Variants in LRRC8D observed in about 807,000 individuals in gnomAD.
LRRC8D encodes the protein volume-regulated anion channel subunit LRRC8D.
Under a neutral mutation model 55.8 loss-of-function variants are expected in LRRC8D, and 20 were observed. The ratio of observed to expected loss-of-function variants is 0.36; its 90% CI spans 0.25 to 0.52. The LOEUF (loss-of-function observed/expected upper bound fraction) is 0.52. Ranked by LOEUF, LRRC8D falls within the 20% of genes least tolerant of loss-of-function variation. The pLI, the probability that LRRC8D is intolerant of heterozygous loss-of-function variation, is 0.93. For synonymous variants in LRRC8D, 352 were observed against 377.0 expected (o/e 0.93, Z 0.77); for missense variants, 651 against 1,030.8 (o/e 0.63, Z 5.05).
At chr1:89,888,643 C>T (rs1351837651) in intron 2 of LRRC8D, among the ~76,000 whole-genome samples, 2 of 152,086 alleles carry the variant, frequency 1.3e-5, no homozygotes, top group African/African-American at 2.4e-5. Flanking sequence ...GTCTCCTGGC[C>T]GAATGACAGA....
intron 1 of LRRC8D, among the ~76,000 whole-genome samples, chr1:89,822,600 T>G (rs1660667101): frequency 6.6e-6 from 1 of 152,156 alleles, no homozygotes; most frequent in South Asian, 2.1e-4. Context: ...TGGAAGAGTC[T>G]GGACAGGCAG....
chr1:89,884,756 A>G (rs1479100562), intron 2 of LRRC8D, among the ~76,000 whole-genome samples: 1 of 152,228 alleles, frequency 6.6e-6, no homozygotes, highest in Non-Finnish European at 1.5e-5. Flanking sequence ...TAAAACTCAG[A>G]TACGCTTGGA....
rs1415616113 is a variant in LRRC8D at position 89,927,050 on chromosome 1, T to C, written c.-2-6017T>C. Among the ~76,000 whole-genome samples, 5 of 152,246 alleles carry C rather than the reference T, an allele frequency of 3.3e-5. No individual in the cohort carries two copies. In the East Asian group the frequency reaches 9.6e-4, roughly 29 times the overall value. The stretch of plus-strand genomic sequence containing the variant: ...CCACCCAGAGCTTTCAGATATTGTA[T>C]GTTCCTACCTCTGCACCTTCTTTTC... On this transcript the variant is annotated intron_variant, in intron 2 of 2. Coordinates refer to ENST00000337338, the MANE Select transcript of LRRC8D (RefSeq NM_001134479.2).
chr1:89,879,626 G>A (rs1315691413), intron 2 of LRRC8D, among the ~76,000 whole-genome samples: 1 of 152,154 alleles, frequency 6.6e-6, no homozygotes. Flanking sequence ...TAAATCATAG[G>A]TGAATGAGAC....
chr1:89,900,821 T>C (rs1662830539), intron 2 of LRRC8D, among the ~76,000 whole-genome samples: 1 of 152,222 alleles, frequency 6.6e-6, no homozygotes, highest in African/African-American at 2.4e-5. Flanking sequence ...TTGGTTTATG[T>C]GTCTTATCCT....
In LRRC8D at chr1:89,933,402, A is replaced by G. The variant is rs149773721; in HGVS notation, c.334A>G (p.Arg112Gly). The change falls in exon 3 of 3, where the codon AGA becomes GGA. Residue 112 changes from arginine to glycine, a missense_variant. Arg to Gly is a moderately radical substitution (Grantham distance 125). Coordinates refer to ENST00000337338, the MANE Select transcript of LRRC8D (RefSeq NM_001134479.2). This position sits in a 1 kb window ranked among gnomAD's most constrained non-coding sequence, Gnocchi z 7.0. ...TGCTGTGACACCTGACATACCTCTC[A>G]GAGCCACATATCCTCGCACAGATTT... ...TSAVTPDIPLRATYPRTDFAL... is the reference protein window; with the variant it reads ...TSAVTPDIPLGATYPRTDFAL... 5.9e-5 allele frequency: 96 copies of G among 1,614,024 alleles called. No individual in the cohort carries two copies. Among genetic ancestry groups the G allele is most frequent in the Middle Eastern group, 1.6e-4 (1 of 6,082 alleles).
At chr1:89,860,556 G>A (rs1285807697) in intron 2 of LRRC8D, among the ~76,000 whole-genome samples, 2 of 151,082 alleles carry the variant, frequency 1.3e-5, no homozygotes, top group African/African-American at 2.4e-5. Flanking sequence ...TCAAGAGATC[G>A]AGACCATCCT....
At chr1:89,878,757 G>A (rs1662207602) in intron 2 of LRRC8D, among the ~76,000 whole-genome samples, 1 of 152,120 alleles carries the variant, frequency 6.6e-6, no homozygotes, top group East Asian at 1.9e-4. Flanking sequence ...CCTGAGGTTA[G>A]GAGTTCGAGA....
At chr1:89,897,410 G>T (rs1198864556) in intron 2 of LRRC8D, among the ~76,000 whole-genome samples, 1 of 152,204 alleles carries the variant, frequency 6.6e-6, no homozygotes, top group Admixed American at 6.5e-5. Context: ...TTTGTCACAA[G>T]AAAGGCGAGA....
chr1:89,861,514 G>A (rs1036827696), intron 2 of LRRC8D, among the ~76,000 whole-genome samples: 1 of 151,772 alleles, frequency 6.6e-6, no homozygotes, highest in African/African-American at 2.4e-5. Context: ...ATTAATACCT[G>A]TGCCTTAGGG....
intron 2 of LRRC8D, among the ~76,000 whole-genome samples, chr1:89,910,809 G>A (rs1244795278): frequency 6.6e-6 from 1 of 152,154 alleles, no homozygotes; most frequent in Admixed American, 6.5e-5. Context: ...GGTTATTCAG[G>A]AGGGGTAATT....
chr1:89,845,710 G>A (rs183090526), intron 2 of LRRC8D, among the ~76,000 whole-genome samples: 168 of 152,094 alleles, frequency 1.1e-3, no homozygotes, highest in African/African-American at 3.8e-3. Flanking sequence ...ATACTGGGAG[G>A]CCACCACACT....
chr1:89,844,955 T>C (rs1201014691), intron 2 of LRRC8D, among the ~76,000 whole-genome samples: 1 of 152,148 alleles, frequency 6.6e-6, no homozygotes, highest in Non-Finnish European at 1.5e-5. Flanking sequence ...GAGGAAGGGA[T>C]GTGAGCATAT....
At chr1:89,917,674 C>T (rs1056016821) in intron 2 of LRRC8D, among the ~76,000 whole-genome samples, 2 of 152,172 alleles carry the variant, frequency 1.3e-5, no homozygotes, top group African/African-American at 4.8e-5. Flanking sequence ...AGGAAACACC[C>T]CATTATGCAC....
At chr1:89,892,007 G>T (rs1253589590) in intron 2 of LRRC8D, among the ~76,000 whole-genome samples, 1 of 152,156 alleles carries the variant, frequency 6.6e-6, no homozygotes, top group Non-Finnish European at 1.5e-5. Flanking sequence ...CATCATAAGT[G>T]CTCAGAAACT....
chr1:89,843,731 A>G lies in LRRC8D; in HGVS notation c.-54A>G. ...GGTTCCAGCCTCCGGAGCTCGCCCAAGCCGCGTCCCCAGAGAGCGCCCTGA... is the reference window on the plus strand; with the variant it reads ...GGTTCCAGCCTCCGGAGCTCGCCCAGGCCGCGTCCCCAGAGAGCGCCCTGA... On this transcript the variant is annotated 5_prime_UTR_variant, in exon 2 of 3. Transcript: ENST00000337338. 1 of 701,706 alleles carries G rather than the reference A, an allele frequency of 1.4e-6. No homozygotes were observed. The allele number at this position is 701,706 out of a possible 1,614,324, so 43.5% of individuals were successfully genotyped here.
chr1:89,902,004 C>A (rs953958237), intron 2 of LRRC8D, among the ~76,000 whole-genome samples: 26 of 152,216 alleles, frequency 1.7e-4, no homozygotes, highest in African/African-American at 6.3e-4. Context: ...AGTATAGTAA[C>A]ACATTTCTCT....
intron 2 of LRRC8D, 33 bp downstream of exon 2, chr1:89,843,815 G>T (rs1010832831): frequency 6.8e-5 from 43 of 633,488 alleles, no homozygotes; most frequent in Non-Finnish European, 1.0e-4. Context: ...CCAGGGAGCG[G>T]GTCGGGAAGT....
chr1:89,923,413 TG>T (rs1358694507), intron 2 of LRRC8D, among the ~76,000 whole-genome samples: 3 of 152,330 alleles, frequency 2.0e-5, no homozygotes, highest in East Asian at 3.9e-4. Flanking sequence ...CCTCAAGATA[TG>T]GATAGGATGC....
Sources: allele counts gnomAD v4.1 joint callset (sites outside exome capture counted in the v4.1 genomes callset), GRCh38; gene constraint gnomAD v4.1.1; non-coding constraint Gnocchi (gnomAD v3.1); transcripts MANE v1.5; gene names NCBI Gene and HGNC (gene_info 2026-07-23, HGNC 2026-07-21).